KIAA1671: variants seen among roughly 807,000 people sequenced by gnomAD.
The protein encoded by KIAA1671 is uncharacterized protein KIAA1671.
In KIAA1671, 52 loss-of-function variants were observed where a neutral mutation model predicts 131.2. The observed-to-expected ratio is 0.40, with a 90% confidence interval of 0.32 to 0.50. The LOEUF is 0.50. Among genes scored for constraint, KIAA1671 ranks in the 20% least tolerant of loss-of-function variants. The pLI is 0.73. For synonymous variants in KIAA1671, 1,003 were observed against 961.6 expected (o/e 1.04, Z -0.80); for missense variants, 2,360 against 2,364.2 (o/e 1.00, Z 0.04).
chr22:25,093,725 ACACACACACACACTCTCTCTCT>A lies in KIAA1671; in HGVS notation c.4530+44363_4530+44384del, dbSNP rs1568950932. On this transcript the variant is annotated intron_variant, in intron 6 of 12. Transcript: ENST00000358431. The stretch of plus-strand genomic sequence containing the variant: ...CACACACACACACACACACACACAC[ACACACACACACACTCTCTCTCT>A]CTCTCTCTCTCTCTCTCTCTGTCTC... Among the ~76,000 whole-genome samples the A allele has an allele frequency of 2.4e-4, 17 of 69,698 alleles. 1 individual carries two copies. Among genetic ancestry groups the A allele is most frequent in the African/African-American group, 6.2e-4 (5 of 8,010 alleles). 45.7% of individuals were successfully genotyped at this position (69,698 alleles called of 152,430 possible).
At chr22:25,089,266 ATTTTTTTTT>A (rs34941122) in intron 6 of KIAA1671, among the ~76,000 whole-genome samples, 2 of 89,278 alleles carry the variant, frequency 2.2e-5, no homozygotes, top group Admixed American at 2.4e-4. Context: ...TGTGTGTTTA[ATTTTTTTTT>A]TTTTTTTTTT....
intron 10 of KIAA1671, among the ~76,000 whole-genome samples, chr22:25,184,091 C>T (rs539713614): frequency 3.3e-5 from 5 of 152,340 alleles, no homozygotes; most frequent in Admixed American, 2.6e-4. Context: ...GCTTAAACTT[C>T]AATCTCTACC....
Position 25,166,629 on chromosome 22 carries a change from C to G in KIAA1671, c.4531-4191C>G, listed in dbSNP as rs549200081. On this transcript the variant is annotated intron_variant, in intron 6 of 12. Coordinates refer to ENST00000358431, the MANE Select transcript of KIAA1671 (RefSeq NM_001145206.2). ...GACTCCAAAGAGGGCCTGAAAATTG[C>G]TGTCATCATGACGGTTCCCATCTCC... Among the ~76,000 whole-genome samples, 181 of 152,336 alleles carry G rather than the reference C, an allele frequency of 1.2e-3. 3 individuals carry two copies. The South Asian group carries it at 0.031, about 27-fold the overall frequency.
chr22:25,077,606 G>A (rs1601289907), intron 6 of KIAA1671, among the ~76,000 whole-genome samples: 2 of 152,214 alleles, frequency 1.3e-5, no homozygotes, highest in Non-Finnish European at 2.9e-5. Context: ...TGACACCCCA[G>A]CTGGGGCTTC....
Position 25,029,135 on chromosome 22 carries a change from C to G in KIAA1671, c.1136C>G (p.Pro379Arg), listed in dbSNP as rs1926127171. The G allele has an allele frequency of 1.4e-6, 2 of 1,457,358 alleles. No homozygotes were observed. Among genetic ancestry groups the G allele is most frequent in the East Asian group, 5.0e-5 (2 of 40,064 alleles). The allele number at this position is 1,457,358 out of a possible 1,614,324, so 90.3% of individuals were successfully genotyped here. ...GTGGGGGGCTCATCTGGGGTCACCC[C>G]CAGCAATGACCAGAGTCCCTGGGAA... ...ALVGGSSGVT[P>R]SNDQSPWEEK... is the part of the protein sequence containing the mutation. The change falls in exon 3 of 13, where the codon CCC (proline) becomes CGC (arginine). Residue 379 changes from proline to arginine, a missense_variant. By Grantham distance (103) the Pro-to-Arg change is moderately radical. Around this residue, in one of 3 missense-constraint regions of KIAA1671, gnomAD observed 1,185 missense variants for 1,126.2 expected, o/e 1.05. Coordinates refer to ENST00000358431, the MANE Select transcript of KIAA1671 (RefSeq NM_001145206.2).
intron 6 of KIAA1671, among the ~76,000 whole-genome samples, chr22:25,087,218 A>T (rs5760844): frequency 2.7e-5 from 4 of 148,442 alleles, no homozygotes; most frequent in Non-Finnish European, 4.5e-5. Flanking sequence ...TGCTTTTCCA[A>T]ACTTCTCATG....
intron 6 of KIAA1671, among the ~76,000 whole-genome samples, chr22:25,082,445 G>C (rs766080753): frequency 6.6e-6 from 1 of 152,168 alleles, no homozygotes; most frequent in Non-Finnish European, 1.5e-5. Flanking sequence ...TGTGATTGGA[G>C]CCCAGAGGAC....
intron 1 of KIAA1671, among the ~76,000 whole-genome samples, chr22:24,953,551 C>T (rs1921530301): frequency 6.6e-6 from 1 of 152,004 alleles, no homozygotes. Context: ...AGCCTCAGTC[C>T]CCCTGTTACC....
chr22:25,041,981 T>G (rs1926949368), intron 5 of KIAA1671, among the ~76,000 whole-genome samples: 1 of 152,068 alleles, frequency 6.6e-6, no homozygotes, highest in Admixed American at 6.6e-5. Flanking sequence ...TGGGCTCAAG[T>G]GATCCTCCTG....
At position 25,168,466 on chromosome 22, in the gene KIAA1671, G is replaced by A. The variant is rs990106249; in HGVS notation, c.4531-2354G>A. Reference sequence around the variant, plus strand: ...AGCACTGCGGGAGGCCGAGGTGGGCGGATCACCTGAGGCCAGGAGTTCGTG... The same window carrying A: ...AGCACTGCGGGAGGCCGAGGTGGGCAGATCACCTGAGGCCAGGAGTTCGTG... On this transcript the variant is annotated intron_variant, in intron 6 of 12. Coordinates refer to ENST00000358431, the MANE Select transcript of KIAA1671 (RefSeq NM_001145206.2). 8.5e-5 allele frequency among the ~76,000 whole-genome samples: 13 copies of A among 152,192 alleles called. 1 individual carries two copies. The highest frequency in any genetic ancestry group is 4.1e-4 in the South Asian group (2 of 4,830).
intron 6 of KIAA1671, among the ~76,000 whole-genome samples, chr22:25,169,198 C>T (rs191739161): frequency 1.6e-3 from 246 of 152,166 alleles, no homozygotes; most frequent in Middle Eastern, 3.4e-3. Flanking sequence ...AGGAGGATTT[C>T]TTGAGCCCAG....
At chr22:25,033,096 T>C (rs1602083960) in intron 4 of KIAA1671, among the ~76,000 whole-genome samples, 1 of 152,226 alleles carries the variant, frequency 6.6e-6, no homozygotes, top group East Asian at 1.9e-4. Flanking sequence ...AAGGAAGAAG[T>C]AGGTGGCTGG....
At chr22:24,974,685 C>CTTTT (rs34171375) in intron 1 of KIAA1671, among the ~76,000 whole-genome samples, 90 of 81,258 alleles carry the variant, frequency 1.1e-3, no homozygotes, top group East Asian at 1.4e-3. Context: ...CAGCTCACCT[C>CTTTT]TTTTTTTTTT....
At chr22:25,148,591 G>A (rs1932937578) in intron 6 of KIAA1671, among the ~76,000 whole-genome samples, 1 of 152,216 alleles carries the variant, frequency 6.6e-6, no homozygotes, top group Admixed American at 6.5e-5. Flanking sequence ...GTAGGGAGGA[G>A]CATCTTGTGA....
At chr22:25,108,558 G>A (rs891486482) in intron 6 of KIAA1671, among the ~76,000 whole-genome samples, 1 of 152,232 alleles carries the variant, frequency 6.6e-6, no homozygotes, top group African/African-American at 2.4e-5. Context: ...GGCTGCATGT[G>A]GTGGAGGGTG....
intron 1 of KIAA1671, among the ~76,000 whole-genome samples, chr22:25,009,439 A>G (rs1196014896): frequency 1.4e-5 from 2 of 147,890 alleles, no homozygotes; most frequent in South Asian, 2.2e-4. Flanking sequence ...TAATTTTTGT[A>G]TTTTTAGAAG....
intron 3 of KIAA1671, among the ~76,000 whole-genome samples, chr22:25,032,013 C>A (rs75567265): frequency 0.022 from 3,356 of 152,302 alleles, 132 homozygotes; most frequent in African/African-American, 0.077. Context: ...AAGATTCTAG[C>A]TCCACACCCT....
chr22:24,960,226 C>T lies in KIAA1671; in HGVS notation c.-208+7454C>T, dbSNP rs867218129. Among the ~76,000 whole-genome samples, 9 of 151,934 alleles carry T rather than the reference C, an allele frequency of 5.9e-5. 1 individual carries two copies. The highest frequency in any genetic ancestry group is 2.2e-4 in the African/African-American group (9 of 41,446). ...AATAGATTTAGGTACTTTCCCATTT[C>T]AGAATGTGTTGATTTACCTCATTAT... On this transcript the variant is annotated intron_variant, in intron 1 of 12. Transcript: ENST00000358431.
chr22:25,013,852 A>G (rs1362586259), intron 1 of KIAA1671: 1 of 152,204 alleles, frequency 6.6e-6, no homozygotes, highest in Non-Finnish European at 1.5e-5. Context: ...GCCATAAAGC[A>G]GGGCCAGTAA....
Sources: gnomAD v4.1 joint callset for allele counts (sites outside exome capture counted in the v4.1 genomes callset) on GRCh38, gnomAD v4.1.1 for gene constraint, gnomAD v4.1.1 regional missense constraint, MANE v1.5 for transcripts, NCBI Gene and HGNC (gene_info 2026-07-23, HGNC 2026-07-21) for gene names.